The following C1QL3 variants were observed in gnomAD, a reference collection of about 807,000 sequenced individuals.
C1QL3 encodes the protein complement C1q like 3, also known as complement C1q-like protein 3.
C1QL3 carries 4 observed loss-of-function variants against 16.6 expected under a neutral mutation model. The observed-to-expected ratio is 0.24, with a 90% CI of 0.12 to 0.55. The LOEUF (loss-of-function observed/expected upper bound fraction) is 0.55. Ranked by LOEUF, C1QL3 falls within the 20% of genes least tolerant of loss-of-function variation. C1QL3 has a pLI of 0.94. For synonymous variants in C1QL3, 189 were observed against 160.2 expected, an observed-to-expected ratio of 1.18 and a Z score of -1.36; for missense variants, 269 against 365.6, an observed-to-expected ratio of 0.74 and a Z score of 2.16.
At position 16,513,947 on chromosome 10, in the gene C1QL3, C is replaced by T; in HGVS notation, c.*581G>A. On this transcript the variant is annotated 3_prime_UTR_variant, in exon 2 of 2. Coordinates refer to ENST00000298943, the MANE Select transcript of C1QL3 (RefSeq NM_001010908.2). Reference sequence around the variant, plus strand: ...AAAAGATCATAGGCTTGGGAATTCCCTCAAATCCAGAAAATTCCAGGTTAA... The same window carrying T: ...AAAAGATCATAGGCTTGGGAATTCCTTCAAATCCAGAAAATTCCAGGTTAA... 5.1e-6 allele frequency: 1 copy of T among 196,012 alleles called. No individual in the cohort carries two copies. Among genetic ancestry groups the T allele is most frequent in the Non-Finnish European group, 1.0e-5 (1 of 97,230 alleles). 12.1% of individuals were successfully genotyped at this position (196,012 alleles called of 1,614,324 possible). A position where few individuals can be genotyped will look rare whatever the true frequency, so the allele number is the denominator to read the frequency against.
At chr10:16,518,699 C>T (rs1564417843) in intron 1 of C1QL3, among the ~76,000 whole-genome samples, 1 of 152,106 alleles carries the variant, frequency 6.6e-6, no homozygotes, top group African/African-American at 2.4e-5. Flanking sequence ...CATTTTTACA[C>T]ATTTGCTGAT....
chr10:16,514,184 G>A lies in C1QL3; in HGVS notation c.*344C>T, dbSNP rs2133535184. 1 of 400,092 alleles carries A rather than the reference G, an allele frequency of 2.5e-6. No individual in the cohort carries two copies. The highest frequency in any genetic ancestry group is 3.6e-5 in the East Asian group (1 of 28,150). 24.8% of individuals were successfully genotyped at this position (400,092 alleles called of 1,614,324 possible). ...GCTGACATATGGATAAAAGCAGCAA[G>A]ATCACAGTACACCAAAGTATCATAT... On this transcript the variant is annotated 3_prime_UTR_variant, in exon 2 of 2. Coordinates refer to ENST00000298943, the MANE Select transcript of C1QL3 (RefSeq NM_001010908.2).
Position 16,520,256 on chromosome 10 carries a change from A to G in C1QL3, c.588+222T>C, listed in dbSNP as rs529382483. On this transcript the variant is annotated intron_variant, in intron 1 of 1. Transcript: ENST00000298943. The surrounding 1 kb of genome is among the most constrained non-coding windows in gnomAD (Gnocchi z 8.3). The stretch of plus-strand genomic sequence containing the variant: ...GGGGCGCGCACCGATCGAGGGTCCC[A>G]GACTCCGGAACTGCCCTCTCCAGGC... Among the ~76,000 whole-genome samples the G allele has an allele frequency of 5.9e-4, 90 of 152,076 alleles. No individual in the cohort carries two copies. Among genetic ancestry groups the G allele is most frequent in the Middle Eastern group, 6.8e-3 (2 of 294 alleles).
At position 16,514,293 on chromosome 10, in the gene C1QL3, G is replaced by T; in HGVS notation, c.*235C>A. 1 of 561,242 alleles carries T rather than the reference G, an allele frequency of 1.8e-6. No individual in the cohort carries two copies. Among genetic ancestry groups the T allele is most frequent in the Non-Finnish European group, 3.1e-6 (1 of 318,594 alleles). The allele number at this position is 561,242 out of a possible 1,614,324, so 34.8% of individuals were successfully genotyped here. The stretch of plus-strand genomic sequence containing the variant: ...GGACTTCATTCACATGGACACTAAC[G>T]ATAAGGAGTATTTGCTTTGGCGGTA... On this transcript the variant is annotated 3_prime_UTR_variant, in exon 2 of 2. Coordinates refer to ENST00000298943, the MANE Select transcript of C1QL3 (RefSeq NM_001010908.2).
At chr10:16,516,517 C>T (rs1445916932) in intron 1 of C1QL3, among the ~76,000 whole-genome samples, 1 of 152,092 alleles carries the variant, frequency 6.6e-6, no homozygotes, top group Non-Finnish European at 1.5e-5. Flanking sequence ...TAGTTATCAA[C>T]CCATAATATA....
Position 16,520,441 on chromosome 10 carries a change from T to TACCAA in C1QL3, c.588+36_588+37insTTGGT. The TACCAA allele has an allele frequency of 2.4e-6, 3 of 1,227,526 alleles. No homozygotes were observed. The highest frequency in any genetic ancestry group is 3.4e-6 in the Non-Finnish European group (3 of 881,040). The allele number at this position is 1,227,526 out of a possible 1,614,324, so 76.0% of individuals were successfully genotyped here. On this transcript the variant is annotated intron_variant, in intron 1 of 1. Coordinates refer to ENST00000298943, the MANE Select transcript of C1QL3 (RefSeq NM_001010908.2). This position sits in a 1 kb window ranked among gnomAD's most constrained non-coding sequence, Gnocchi z 8.3. ...CCCTCTCGCCCGCACCTTCCCGCGC[T>TACCAA]CCCTCCCCGCCCTCCCCGCCGCCCG... is the stretch of plus-strand genomic sequence containing the variant.
Position 16,514,383 on chromosome 10 carries a change from T to G in C1QL3, c.*145A>C, listed in dbSNP as rs1836915480. On this transcript the variant is annotated 3_prime_UTR_variant, in exon 2 of 2. Coordinates refer to ENST00000298943, the MANE Select transcript of C1QL3 (RefSeq NM_001010908.2). ...ACATAATGTTTCTGAGTGATACAGA[T>G]GTGAGTCAGGTAGCATTTGATTTCC... 1 of 651,376 alleles carries G rather than the reference T, an allele frequency of 1.5e-6. No homozygotes were observed. The highest frequency in any genetic ancestry group is 2.7e-6 in the Non-Finnish European group (1 of 370,010). The allele number at this position is 651,376 out of a possible 1,614,324, so 40.3% of individuals were successfully genotyped here. A position where few individuals can be genotyped will look rare whatever the true frequency, so the allele number is the denominator to read the frequency against.
Position 16,514,524 on chromosome 10 carries a change from A to C in C1QL3, c.*4T>G. 1.9e-6 allele frequency: 3 copies of C among 1,611,954 alleles called. No homozygotes were observed. The highest frequency in any genetic ancestry group is 2.5e-6 in the Non-Finnish European group (3 of 1,178,542). On this transcript the variant is annotated 3_prime_UTR_variant, in exon 2 of 2. Coordinates refer to ENST00000298943, the MANE Select transcript of C1QL3 (RefSeq NM_001010908.2). ...TCAGAATAATAAGCTTAGTTTCTGC[A>C]TTATCAGTCAGCATAAATAATAAAT...
rs1284764815 is a variant in C1QL3 at position 16,520,397 on chromosome 10, C to T, written c.588+81G>A. On this transcript the variant is annotated intron_variant, in intron 1 of 1. Transcript: ENST00000298943. This position sits in a 1 kb window ranked among gnomAD's most constrained non-coding sequence, Gnocchi z 8.3. Reference sequence around the variant, plus strand: ...CGCCCTTCCTCCGCGGGCTCCCACCCCCATTTCCGGGGTCTCCTCCCTCTC... The same window carrying T: ...CGCCCTTCCTCCGCGGGCTCCCACCTCCATTTCCGGGGTCTCCTCCCTCTC... 2.7e-6 allele frequency: 3 copies of T among 1,130,666 alleles called. No individual in the cohort carries two copies. The highest frequency in any genetic ancestry group is 3.7e-6 in the Non-Finnish European group (3 of 811,648). The allele number at this position is 1,130,666 out of a possible 1,614,324, so 70.0% of individuals were successfully genotyped here.
chr10:16,514,358 A>G lies in C1QL3; in HGVS notation c.*170T>C, dbSNP rs1315970098. On this transcript the variant is annotated 3_prime_UTR_variant, in exon 2 of 2. Coordinates refer to ENST00000298943, the MANE Select transcript of C1QL3 (RefSeq NM_001010908.2). ...TGCTTATCTTGCTTTGATATTTTTTACATAATGTTTCTGAGTGATACAGAT... is the reference window on the plus strand; with the variant it reads ...TGCTTATCTTGCTTTGATATTTTTTGCATAATGTTTCTGAGTGATACAGAT... The G allele has an allele frequency of 1.0e-5, 6 of 598,514 alleles. No homozygotes were observed. Among genetic ancestry groups the G allele is most frequent in the South Asian group, 6.5e-5 (3 of 46,038 alleles). 37.1% of individuals were successfully genotyped at this position (598,514 alleles called of 1,614,324 possible).
chr10:16,519,408 C>T (rs113703679), intron 1 of C1QL3, among the ~76,000 whole-genome samples: 1,807 of 151,362 alleles, frequency 0.012, 32 homozygotes, highest in African/African-American at 0.042. Context: ...AAACTCAGCC[C>T]ACACCGCAGG....
chr10:16,518,552 A>G (rs956763093), intron 1 of C1QL3, among the ~76,000 whole-genome samples: 1 of 152,228 alleles, frequency 6.6e-6, no homozygotes, highest in African/African-American at 2.4e-5. Flanking sequence ...TAGAACACCT[A>G]CATGGTGTTA....
In C1QL3 at chr10:16,520,285, G is replaced by C. The variant is rs953591975; in HGVS notation, c.588+193C>G. 3.9e-5 allele frequency among the ~76,000 whole-genome samples: 6 copies of C among 151,998 alleles called. No individual in the cohort carries two copies. Among genetic ancestry groups the C allele is most frequent in the African/African-American group, 1.4e-4 (6 of 41,438 alleles). On this transcript the variant is annotated intron_variant, in intron 1 of 1. Transcript: ENST00000298943. This position sits in a 1 kb window ranked among gnomAD's most constrained non-coding sequence, Gnocchi z 8.3. ...TCCGGAACTGCCCTCTCCAGGCCGC[G>C]GGGCGCCCTCCTGCGCGCACGACCC... is the stretch of plus-strand genomic sequence containing the variant.
At chr10:16,515,224 GAAAAAA>G (rs71952606) in intron 1 of C1QL3, among the ~76,000 whole-genome samples, 27 of 134,866 alleles carry the variant, frequency 2.0e-4, no homozygotes, top group Admixed American at 4.5e-4. Context: ...TACTTACAAA[GAAAAAA>G]AAAAAAAAGA....
chr10:16,518,888 C>T (rs1186868738), intron 1 of C1QL3, among the ~76,000 whole-genome samples: 1 of 152,018 alleles, frequency 6.6e-6, no homozygotes, highest in Non-Finnish European at 1.5e-5. Context: ...TTCAATAGCT[C>T]CATTCTGGTA....
At chr10:16,516,988 A>C (rs1836962132) in intron 1 of C1QL3, among the ~76,000 whole-genome samples, 1 of 152,094 alleles carries the variant, frequency 6.6e-6, no homozygotes, top group Non-Finnish European at 1.5e-5. Context: ...ACCTGATCCT[A>C]CTCTAAAGAT....
chr10:16,514,129 T>C lies in C1QL3; in HGVS notation c.*399A>G. 2.5e-6 allele frequency: 1 copy of C among 396,662 alleles called. No homozygotes were observed. The highest frequency in any genetic ancestry group is 4.4e-6 in the Non-Finnish European group (1 of 224,904). The allele number at this position is 396,662 out of a possible 1,614,324, so 24.6% of individuals were successfully genotyped here. ...CACTATGAATGGACTCCAAGTATCA[T>C]AATAAGCAGGTAAACTCACAAGAAC... On this transcript the variant is annotated 3_prime_UTR_variant, in exon 2 of 2. Transcript: ENST00000298943.
chr10:16,514,420 C>T lies in C1QL3; in HGVS notation c.*108G>A. ...AGCATTTGATTTCCCCACATATACA[C>T]AACTGAGGTGCCCTGCCATTGGCAT... On this transcript the variant is annotated 3_prime_UTR_variant, in exon 2 of 2. Coordinates refer to ENST00000298943, the MANE Select transcript of C1QL3 (RefSeq NM_001010908.2). 1.2e-6 allele frequency: 1 copy of T among 851,318 alleles called. No homozygotes were observed. The highest frequency in any genetic ancestry group is 1.7e-5 in the African/African-American group (1 of 59,108). 52.7% of individuals were successfully genotyped at this position (851,318 alleles called of 1,614,324 possible).
intron 1 of C1QL3, among the ~76,000 whole-genome samples, chr10:16,515,612 G>A (rs1475412730): frequency 6.6e-6 from 1 of 152,124 alleles, no homozygotes; most frequent in Non-Finnish European, 1.5e-5. Context: ...TCATTAGTGA[G>A]TTGATAGACA....
Sources: allele counts gnomAD v4.1 joint callset (sites outside exome capture counted in the v4.1 genomes callset), GRCh38; gene constraint gnomAD v4.1.1; non-coding constraint Gnocchi (gnomAD v3.1); transcripts MANE v1.5; gene names NCBI Gene and HGNC (gene_info 2026-07-23, HGNC 2026-07-21).